CDK19: variants seen among roughly 807,000 people sequenced by gnomAD.
The protein encoded by CDK19 is cyclin dependent kinase 19.
Under a neutral mutation model 68.3 loss-of-function variants are expected in CDK19, and 20 were observed. The observed-to-expected ratio is 0.29, with a 90% confidence interval of 0.21 to 0.43. CDK19 has a LOEUF of 0.43. Among genes scored for constraint, CDK19 ranks in the 20% least tolerant of loss-of-function variants. The probability of loss-of-function intolerance (pLI) is 1.00; values close to 1 mark genes in which losing one functional copy is unlikely to be tolerated. For synonymous variants in CDK19, 221 were observed against 222.8 expected (o/e 0.99, Z 0.07); for missense variants, 339 against 623.5 (o/e 0.54, Z 4.86).
chr6:110,744,885 T>C (rs369569606), intron 2 of CDK19, among the ~76,000 whole-genome samples: 64 of 152,308 alleles, frequency 4.2e-4, no homozygotes, highest in Middle Eastern at 3.4e-3. Context: ...ACACTTCTTA[T>C]GACTAAAAGC....
intron 6 of CDK19, among the ~76,000 whole-genome samples, chr6:110,627,726 C>A (rs1350999289): frequency 6.6e-6 from 1 of 152,028 alleles, no homozygotes; most frequent in Non-Finnish European, 1.5e-5. Context: ...CATGTCTAAC[C>A]ACTGTTAATA....
At position 110,623,356 on chromosome 6, in the gene CDK19, G is replaced by T. The variant is rs1778834066; in HGVS notation, c.867C>A (p.Ala289=). Residue 289 remains alanine (A), a synonymous_variant, in exon 9 of 13, where the codon GCC becomes GCA. Coordinates refer to ENST00000368911, the MANE Select transcript of CDK19 (RefSeq NM_015076.5). The part of the protein sequence containing the change: ...LQKDFRRTTY[A]NSSLIKYMEK... The stretch of plus-strand genomic sequence containing the variant: ...CCATGTACTTTATGAGGCTACTGTT[G>T]GCATACCTGCAAGGACACGCACAGT... 3 of 1,613,286 alleles carry T rather than the reference G, an allele frequency of 1.9e-6. No individual in the cohort carries two copies. The highest frequency in any genetic ancestry group is 2.5e-6 in the Non-Finnish European group (3 of 1,179,608).
At chr6:110,706,078 G>A (rs1471571240) in intron 2 of CDK19, among the ~76,000 whole-genome samples, 9 of 151,890 alleles carry the variant, frequency 5.9e-5, no homozygotes, top group Non-Finnish European at 1.0e-4. Flanking sequence ...TTTTTGAGAC[G>A]GAGTCTTGCT....
chr6:110,721,499 C>A lies in CDK19; in HGVS notation c.204+24627G>T, dbSNP rs568000258. Among the ~76,000 whole-genome samples the A allele has an allele frequency of 1.8e-4, 27 of 152,178 alleles. 1 individual carries two copies. The South Asian group carries it at 5.6e-3, about 32-fold the overall frequency. On this transcript the variant is annotated intron_variant, in intron 2 of 12. Transcript: ENST00000368911. ...ATTCAAGTTTAGGTAAGGTTCCCAGCCTTTTCAAATTAAGTCACCTTCTTA... is the reference window on the plus strand; with the variant it reads ...ATTCAAGTTTAGGTAAGGTTCCCAGACTTTTCAAATTAAGTCACCTTCTTA...
At position 110,620,998 on chromosome 6, in the gene CDK19, G is replaced by A. The variant is rs1021260225; in HGVS notation, c.1377+106C>T. 4.7e-6 allele frequency: 5 copies of A among 1,056,824 alleles called. No individual in the cohort carries two copies. In the African/African-American group the frequency reaches 7.9e-5, roughly 17 times the overall value. 65.5% of individuals were successfully genotyped at this position (1,056,824 alleles called of 1,614,324 possible). On this transcript the variant is annotated intron_variant, in intron 12 of 12. Transcript: ENST00000368911. ...CATAGAATGCCCTAGAAACAGGATTGCACAGTCAAATGTAAGAGTTAAGTG... is the reference window on the plus strand; with the variant it reads ...CATAGAATGCCCTAGAAACAGGATTACACAGTCAAATGTAAGAGTTAAGTG...
rs1318861823 is a variant in CDK19 at position 110,691,247 on chromosome 6, G to A, written c.205-20706C>T. On this transcript the variant is annotated intron_variant, in intron 2 of 12. Coordinates refer to ENST00000368911, the MANE Select transcript of CDK19 (RefSeq NM_015076.5). ...CCCAGCACTCTGGGAGGCCAAGGTG[G>A]GCAGATCGTGAAGTCAGGAGTTCGA... is the stretch of plus-strand genomic sequence containing the variant. Among the ~76,000 whole-genome samples the A allele has an allele frequency of 2.6e-5, 4 of 152,128 alleles. No homozygotes were observed. The East Asian group carries it at 7.7e-4, about 29-fold the overall frequency.
At chr6:110,772,216 C>T (rs183017698) in intron 1 of CDK19, among the ~76,000 whole-genome samples, 16 of 152,232 alleles carry the variant, frequency 1.1e-4, no homozygotes, top group African/African-American at 2.2e-4. Flanking sequence ...CAGTTCCACA[C>T]GGCTGGGGAG....
Position 110,667,591 on chromosome 6 carries a change from AAC to A in CDK19, c.316-19_316-18del. On this transcript the variant is annotated intron_variant, in intron 3 of 12. Transcript: ENST00000368911. ...AATAATATGCTAAAAATTAAAAAAA[AAC>A]ATAATAATATAGTCTTTGCTAATAT... 1.5e-6 allele frequency: 2 copies of A among 1,326,450 alleles called. No individual in the cohort carries two copies. Among genetic ancestry groups the A allele is most frequent in the South Asian group, 1.5e-5 (1 of 68,656 alleles). 82.2% of individuals were successfully genotyped at this position (1,326,450 alleles called of 1,614,324 possible).
intron 5 of CDK19, among the ~76,000 whole-genome samples, chr6:110,633,341 C>CAT (rs910909865): frequency 3.2e-4 from 48 of 152,142 alleles, no homozygotes; most frequent in African/African-American, 1.1e-3. Context: ...CAAGAGCTGA[C>CAT]ATATATATAT....
rs191730555 is a variant in CDK19, at chr6:110,809,088, G to A, written c.128+5921C>T. On this transcript the variant is annotated intron_variant, in intron 1 of 12. Coordinates refer to ENST00000368911, the MANE Select transcript of CDK19 (RefSeq NM_015076.5). ...AAATTAGCCGGGCATGGTGGTGGGCGCCTGTAGTCCCAGCTACTCGGGAGG... is the reference window on the plus strand; with the variant it reads ...AAATTAGCCGGGCATGGTGGTGGGCACCTGTAGTCCCAGCTACTCGGGAGG... Among the ~76,000 whole-genome samples the A allele has an allele frequency of 9.6e-3, 1,460 of 151,636 alleles. 23 individuals carry two copies. The highest frequency in any genetic ancestry group is 0.034 in the African/African-American group (1,386 of 41,348).
chr6:110,714,853 C>T (rs867496209), intron 2 of CDK19, among the ~76,000 whole-genome samples: 2 of 151,664 alleles, frequency 1.3e-5, no homozygotes, highest in African/African-American at 4.8e-5. Context: ...CCTGCCTCAG[C>T]CTCCCAAGTA....
At chr6:110,722,213 T>G (rs2114748473) in intron 2 of CDK19, 1 of 152,318 alleles carries the variant, frequency 6.6e-6, no homozygotes, top group African/African-American at 2.4e-5. Flanking sequence ...CACAATACCC[T>G]ACACTTGTGG....
chr6:110,812,418 G>A (rs1783177442), intron 1 of CDK19, among the ~76,000 whole-genome samples: 2 of 152,190 alleles, frequency 1.3e-5, no homozygotes, highest in African/African-American at 2.4e-5. Context: ...CACCGCACCC[G>A]ACCCAGAGAA....
chr6:110,632,754 G>C (rs1442677604), intron 5 of CDK19, among the ~76,000 whole-genome samples: 4 of 152,034 alleles, frequency 2.6e-5, no homozygotes, highest in Non-Finnish European at 5.9e-5. Flanking sequence ...AAGATATTCT[G>C]ATTTGCCTAA....
rs200978378 is a variant in CDK19 at position 110,798,719 on chromosome 6, G to GA, written c.128+16289dup. ...ATGAAGCAATAGTTTTGAATGCTGA[G>GA]AAAAAAAAAAATTCTTAATATTTAA... On this transcript the variant is annotated intron_variant, in intron 1 of 12. Coordinates refer to ENST00000368911, the MANE Select transcript of CDK19 (RefSeq NM_015076.5). Among the ~76,000 whole-genome samples the GA allele has an allele frequency of 1.4e-3, 191 of 140,270 alleles. 1 individual carries two copies. The East Asian group carries it at 0.021, about 15-fold the overall frequency. The allele number at this position is 140,270 out of a possible 152,430, so 92.0% of individuals were successfully genotyped here.
Position 110,799,144 on chromosome 6 carries a change from T to TTA in CDK19, c.128+15864_128+15865insTA, listed in dbSNP as rs1554226457. Among the ~76,000 whole-genome samples, 14 of 49,140 alleles carry TTA rather than the reference T, an allele frequency of 2.8e-4. 1 individual carries two copies. Among genetic ancestry groups the TTA allele is most frequent in the South Asian group, 1.1e-3 (1 of 904 alleles). 32.2% of individuals were successfully genotyped at this position (49,140 alleles called of 152,430 possible). A position where few individuals can be genotyped will look rare whatever the true frequency, so the allele number is the denominator to read the frequency against. On this transcript the variant is annotated intron_variant, in intron 1 of 12. Transcript: ENST00000368911. ...GGTGTTAAGAGTAAAACCCTGTATT[T>TTA]AAAAAAAAAAAAAAAAAAAAAAAAA...
chr6:110,678,728 A>C (rs572288511), intron 2 of CDK19, among the ~76,000 whole-genome samples: 2 of 152,326 alleles, frequency 1.3e-5, no homozygotes, highest in East Asian at 3.9e-4. Context: ...AAAAAAATGC[A>C]TTGTTAGGGG....
chr6:110,800,346 T>C (rs9481113), intron 1 of CDK19, among the ~76,000 whole-genome samples: 2,020 of 152,204 alleles, frequency 0.013, 58 homozygotes, highest in African/African-American at 0.046. Flanking sequence ...CTGGACCAGA[T>C]GGATTCACAG....
Position 110,723,725 on chromosome 6 carries a change from A to ATATT in CDK19, c.204+22400_204+22401insAATA, listed in dbSNP as rs1181203451. ...GGCCTTTTTATACTTCAGCTCTTAA[A>ATATT]TAAGTCTCACAGAAATTATATGAAC... On this transcript the variant is annotated intron_variant, in intron 2 of 12. Transcript: ENST00000368911. Among the ~76,000 whole-genome samples, 5 of 152,210 alleles carry ATATT rather than the reference A, an allele frequency of 3.3e-5. No homozygotes were observed. The East Asian group carries it at 7.7e-4, about 23-fold the overall frequency.
Sources: allele counts gnomAD v4.1 joint callset (sites outside exome capture counted in the v4.1 genomes callset), GRCh38; gene constraint gnomAD v4.1.1; transcripts MANE v1.5; gene names NCBI Gene and HGNC (gene_info 2026-07-23, HGNC 2026-07-21).